SVEP1: variants seen among roughly 807,000 people sequenced by gnomAD.
SVEP1 encodes the protein sushi, von Willebrand factor type A, EGF and pentraxin domain containing 1, also known as sushi, von Willebrand factor type A, EGF and pentraxin domain-containing protein 1.
Under a neutral mutation model 367.3 loss-of-function variants are expected in SVEP1, and 164 were observed. The ratio of observed to expected loss-of-function variants is 0.45; its 90% CI spans 0.39 to 0.51. The LOEUF is 0.51. Ranked by LOEUF, SVEP1 falls within the 20% of genes least tolerant of loss-of-function variation. The pLI, the probability that SVEP1 is intolerant of heterozygous loss-of-function variation, is 0.00. For synonymous variants in SVEP1, 1,666 were observed against 1,611.6 expected, an observed-to-expected ratio of 1.03 and a Z score of -0.81; for missense variants, 4,117 against 4,425.3, an observed-to-expected ratio of 0.93 and a Z score of 1.98.
At chr9:110,511,487 C>CATTTTTTTTTTTTTTTTTTTTTTTTTTT (rs1564163441) in intron 5 of SVEP1, among the ~76,000 whole-genome samples, 2 of 69,534 alleles carry the variant, frequency 2.9e-5, no homozygotes, top group Non-Finnish European at 2.7e-5. Flanking sequence ...TGTGTCAGTA[C>CATTTTTTTTTTTTTTTTTTTTTTTTTTT]CTTTTTTTTT....
At chr9:110,386,237 T>A (rs191098085) in intron 42 of SVEP1, among the ~76,000 whole-genome samples, 163 bp from the exon 43 acceptor site, 2 of 152,206 alleles carry the variant, frequency 1.3e-5, no homozygotes, top group Non-Finnish European at 2.9e-5. Flanking sequence ...TTGTTTTGCA[T>A]CCTCATGAAA....
chr9:110,539,678 A>G (rs1056849529), intron 3 of SVEP1, among the ~76,000 whole-genome samples: 15 of 151,332 alleles, frequency 9.9e-5, no homozygotes, highest in Non-Finnish European at 1.3e-4. Context: ...CATTACATAT[A>G]TATATGTATA....
At chr9:110,375,608 C>A in intron 45 of SVEP1, 145 bp from the exon 46 acceptor site, 1 of 661,598 alleles carries the variant, frequency 1.5e-6, no homozygotes, top group Non-Finnish European at 2.5e-6. Flanking sequence ...AAGTTTCCTG[C>A]ATGTGTTCTG....
chr9:110,453,856 G>A (rs902840955), intron 22 of SVEP1, among the ~76,000 whole-genome samples: 22 of 147,970 alleles, frequency 1.5e-4, no homozygotes, highest in Non-Finnish European at 2.7e-4. Flanking sequence ...GCGACACAGC[G>A]AGACTCCATC....
intron 42 of SVEP1, among the ~76,000 whole-genome samples, chr9:110,386,988 C>A (rs1827534906): frequency 1.2e-5 from 1 of 80,676 alleles, no homozygotes; most frequent in African/African-American, 3.7e-5. Context: ...ATACATCTTT[C>A]ATTTCTTTCC....
In SVEP1 at chr9:110,385,979, C is replaced by A; in HGVS notation, c.10156G>T (p.Glu3386Ter). The A allele has an allele frequency of 6.2e-7, 1 of 1,613,952 alleles. No individual in the cohort carries two copies. Among genetic ancestry groups the A allele is most frequent in the Non-Finnish European group, 8.5e-7 (1 of 1,179,858 alleles). Residue 3386 changes from glutamate to a stop codon, truncating the protein, a stop_gained, in exon 43 of 48, where the codon GAA (glutamate) becomes TAA (stop). Coordinates refer to ENST00000374469, the MANE Select transcript of SVEP1 (RefSeq NM_153366.4). LOFTEE classifies it high-confidence loss of function. ...CCGTGGCCCTGCAGCAGAAAACCTTCCCTACATTTGATGGACACATTCTGA... is the reference window on the plus strand; with the variant it reads ...CCGTGGCCCTGCAGCAGAAAACCTTACCTACATTTGATGGACACATTCTGA... ...VDQNVSIKCR[E>*]GFLLQGHGII...
intron 8 of SVEP1, among the ~76,000 whole-genome samples, chr9:110,491,853 G>A (rs1274955625): frequency 3.3e-5 from 5 of 151,902 alleles, no homozygotes; most frequent in Non-Finnish European, 7.4e-5. Flanking sequence ...AGATATAGAA[G>A]AAAACTTTGA....
In SVEP1 at chr9:110,436,439, A is replaced by C. The variant is rs758995723; in HGVS notation, c.4705T>G (p.Ser1569Ala). Residue 1569 changes from serine (S) to alanine (A), a missense_variant, in exon 28 of 48, where the codon TCT becomes GCT. Ser to Ala is a moderately conservative substitution (Grantham distance 99, BLOSUM62 1). This residue lies in a region of SVEP1 where 2,174 missense variants were observed against 2,494.3 expected (regional missense o/e 0.87). Transcript: ENST00000374469. ...AGCTGGCTTATGGAGCCCACAAAAGACTCAGCTGGGCTGAATCCCTCTCCT... is the reference window on the plus strand; with the variant it reads ...AGCTGGCTTATGGAGCCCACAAAAGCCTCAGCTGGGCTGAATCCCTCTCCT... Reference protein sequence around the residue: ...KKGEGFSPAESFVGSISQLNL... With the variant: ...KKGEGFSPAEAFVGSISQLNL... The C allele has an allele frequency of 4.3e-6, 7 of 1,613,788 alleles. No individual in the cohort carries two copies. Among genetic ancestry groups the C allele is most frequent in the African/African-American group, 2.7e-5 (2 of 74,900 alleles).
intron 8 of SVEP1, among the ~76,000 whole-genome samples, chr9:110,490,682 A>G (rs1829354163): frequency 1.3e-5 from 2 of 152,118 alleles, no homozygotes; most frequent in African/African-American, 4.8e-5. Flanking sequence ...GATAATATAA[A>G]ACTTATTTCC....
At chr9:110,572,789 C>T (rs1371553646) in intron 1 of SVEP1, among the ~76,000 whole-genome samples, 1 of 76,522 alleles carries the variant, frequency 1.3e-5, no homozygotes, top group Non-Finnish European at 2.5e-5. Flanking sequence ...CTCTCTCTCA[C>T]AAAAAAAAAA....
chr9:110,430,220 T>C, intron 33 of SVEP1, 54 bp downstream of exon 33: 1 of 1,546,146 alleles, frequency 6.5e-7, no homozygotes, highest in African/African-American at 1.4e-5. Context: ...TGTCTACGCC[T>C]TACCTTTCTA....
chr9:110,404,620 T>C, intron 38 of SVEP1, 68 bp from the exon 39 acceptor site: 1 of 1,434,132 alleles, frequency 7.0e-7, no homozygotes, highest in Non-Finnish European at 9.8e-7. Context: ...TATCCTTGGA[T>C]TTAGGAAGCT....
rs186339232 is a variant in SVEP1, at chr9:110,577,528, G to T, written c.531+1485C>A. On this transcript the variant is annotated intron_variant, in intron 1 of 47. Coordinates refer to ENST00000374469, the MANE Select transcript of SVEP1 (RefSeq NM_153366.4). ...CTGCTACATGGAAAACTATTTCTCT[G>T]ATTTGGGAAATGAGAGAGCTATTCT... Among the ~76,000 whole-genome samples the T allele has an allele frequency of 1.7e-3, 253 of 152,214 alleles. 1 individual carries two copies. The highest frequency in any genetic ancestry group is 5.8e-3 in the African/African-American group (243 of 41,564).
At chr9:110,424,625 A>G (rs1352476262) in intron 36 of SVEP1, among the ~76,000 whole-genome samples, 2 of 152,180 alleles carry the variant, frequency 1.3e-5, no homozygotes, top group East Asian at 1.9e-4. Flanking sequence ...TATTTCAGCA[A>G]TGGATACATG....
chr9:110,383,528 TG>T (rs535440131), intron 43 of SVEP1, among the ~76,000 whole-genome samples: 1 of 64,126 alleles, frequency 1.6e-5, no homozygotes, highest in Non-Finnish European at 3.7e-5. Context: ...ACCCCTGTTG[TG>T]GGGGGGTCTC....
chr9:110,568,573 G>A (rs1830518180), intron 1 of SVEP1, among the ~76,000 whole-genome samples: 1 of 152,112 alleles, frequency 6.6e-6, no homozygotes, highest in Non-Finnish European at 1.5e-5. Context: ...GGCCTGTGAA[G>A]AGGAAGATCT....
In SVEP1 at chr9:110,390,052, CGT is replaced by C. The variant is rs1491452922; in HGVS notation, c.9823-467_9823-466del. 6.3e-5 allele frequency among the ~76,000 whole-genome samples: 7 copies of C among 110,532 alleles called. No homozygotes were observed. In the South Asian group the frequency reaches 1.8e-3, roughly 29 times the overall value. 72.5% of individuals were successfully genotyped at this position (110,532 alleles called of 152,430 possible). On this transcript the variant is annotated intron_variant, in intron 40 of 47. Coordinates refer to ENST00000374469, the MANE Select transcript of SVEP1 (RefSeq NM_153366.4). Reference sequence around the variant, plus strand: ...GTATATATATATAAGTATATATACACGTATATATATAAGTATATATATATACG... The same window carrying C: ...GTATATATATATAAGTATATATACACATATATATAAGTATATATATATACG...
At chr9:110,476,182 C>G (rs921476074) in intron 14 of SVEP1, 22 bp downstream of exon 14, 1 of 1,489,508 alleles carries the variant, frequency 6.7e-7, no homozygotes, top group Non-Finnish European at 9.4e-7. Flanking sequence ...TGCCAACTAC[C>G]GATGCCACAG....
At chr9:110,427,485 G>T in intron 36 of SVEP1, 106 bp downstream of exon 36, 1 of 1,344,950 alleles carries the variant, frequency 7.4e-7, no homozygotes, top group Middle Eastern at 2.6e-4. Context: ...CTTTGTCTTT[G>T]GCTGCCAGGA....
Sources: gnomAD v4.1 joint callset for allele counts (sites outside exome capture counted in the v4.1 genomes callset) on GRCh38, gnomAD v4.1.1 for gene constraint, gnomAD v4.1.1 regional missense constraint, MANE v1.5 for transcripts, NCBI Gene and HGNC (gene_info 2026-07-23, HGNC 2026-07-21) for gene names.